Variants in ROBO1 observed in about 807,000 individuals in gnomAD.
ROBO1 encodes roundabout guidance receptor 1, also known as roundabout homolog 1.
Under a neutral mutation model 195.9 loss-of-function variants are expected in ROBO1, and 149 were observed. The ratio of observed to expected loss-of-function variants is 0.76; its 90% CI spans 0.67 to 0.87. ROBO1 has a LOEUF of 0.87. Ranked by LOEUF, ROBO1 falls within the 40% of genes least tolerant of loss-of-function variation. The probability of loss-of-function intolerance (pLI) is 0.00; values close to 1 mark genes in which losing one functional copy is unlikely to be tolerated. For synonymous variants in ROBO1, 816 were observed against 733.2 expected (o/e 1.11, Z -1.82); for missense variants, 1,933 against 2,068.3 (o/e 0.93, Z 1.27).
chr3:78,755,646 G>A (rs141281139), intron 4 of ROBO1, among the ~76,000 whole-genome samples: 1 of 152,256 alleles, frequency 6.6e-6, no homozygotes, highest in South Asian at 2.1e-4. Flanking sequence ...TTATTGAAGG[G>A]CTGAAGTTGA....
chr3:79,235,600 T>C (rs1480926078), intron 2 of ROBO1, among the ~76,000 whole-genome samples: 3 of 152,188 alleles, frequency 2.0e-5, no homozygotes, highest in African/African-American at 7.2e-5. Context: ...GGGTCCTCCA[T>C]ATTTATAGCT....
rs1354272309 is a variant in ROBO1 at position 79,206,968 on chromosome 3, C to T, written c.89-81429G>A. ...TAAATTTCTCAAAATGACACACCTA[C>T]ATGAGCTCAATTTGCAAAAACATAT... On this transcript the variant is annotated intron_variant, in intron 2 of 30. Coordinates refer to ENST00000464233, the MANE Select transcript of ROBO1 (RefSeq NM_002941.4). Among the ~76,000 whole-genome samples the T allele has an allele frequency of 2.0e-5, 3 of 152,106 alleles. No homozygotes were observed. The East Asian group carries it at 5.8e-4, about 29-fold the overall frequency.
At chr3:78,681,468 A>C (rs2080906111) in intron 10 of ROBO1, among the ~76,000 whole-genome samples, 1 of 152,328 alleles carries the variant, frequency 6.6e-6, no homozygotes, top group African/African-American at 2.4e-5. Context: ...ATAGGAAAAT[A>C]AACAGAACAC....
intron 2 of ROBO1, among the ~76,000 whole-genome samples, chr3:79,361,337 A>C (rs2035762060): frequency 6.6e-6 from 1 of 152,094 alleles, no homozygotes; most frequent in Admixed American, 6.6e-5. Flanking sequence ...AAAGTAAGGC[A>C]AATACAATAC....
chr3:78,947,997 C>G (rs563104275), intron 3 of ROBO1, among the ~76,000 whole-genome samples: 2 of 152,056 alleles, frequency 1.3e-5, no homozygotes, highest in African/African-American at 4.8e-5. Context: ...TCTGAATAGA[C>G]CAATAACAGG....
intron 4 of ROBO1, among the ~76,000 whole-genome samples, chr3:78,859,939 C>T (rs981882741): frequency 1.3e-5 from 2 of 151,986 alleles, no homozygotes; most frequent in African/African-American, 2.4e-5. Context: ...ATTAGCCGGG[C>T]GTGGTGGCGG....
intron 1 of ROBO1, among the ~76,000 whole-genome samples, chr3:79,710,774 A>G (rs1414559785): frequency 1.3e-5 from 2 of 152,176 alleles, no homozygotes; most frequent in Non-Finnish European, 1.5e-5. Flanking sequence ...GTTCTAAGTC[A>G]TATATCAGAC....
At chr3:79,145,099 G>GT (rs984195065) in intron 2 of ROBO1, among the ~76,000 whole-genome samples, 1 of 151,762 alleles carries the variant, frequency 6.6e-6, no homozygotes, top group African/African-American at 2.4e-5. Flanking sequence ...GGTCAAGTTG[G>GT]TTTGGTTTGT....
chr3:79,648,646 G>A (rs1945906419), intron 1 of ROBO1, among the ~76,000 whole-genome samples: 1 of 152,004 alleles, frequency 6.6e-6, no homozygotes, highest in African/African-American at 2.4e-5. Context: ...ATAAATGGAT[G>A]GGGTAATATT....
chr3:79,449,558 G>A (rs1201050906), intron 2 of ROBO1, among the ~76,000 whole-genome samples: 1 of 152,090 alleles, frequency 6.6e-6, no homozygotes, highest in Non-Finnish European at 1.5e-5. Context: ...AGATAAATGA[G>A]TACATTAATG....
chr3:79,618,956 C>G (rs35031538), intron 1 of ROBO1, among the ~76,000 whole-genome samples: 1 of 152,168 alleles, frequency 6.6e-6, no homozygotes, highest in African/African-American at 2.4e-5. Flanking sequence ...GCGCCAGTCA[C>G]GAACTCAGGA....
At chr3:79,230,483 G>A (rs928628219) in intron 2 of ROBO1, among the ~76,000 whole-genome samples, 30 of 151,958 alleles carry the variant, frequency 2.0e-4, no homozygotes, top group African/African-American at 7.3e-4. Flanking sequence ...CAAGTGACTT[G>A]CTTTGGTCAA....
intron 4 of ROBO1, among the ~76,000 whole-genome samples, chr3:78,818,329 A>C (rs989808887): frequency 2.6e-5 from 4 of 152,118 alleles, no homozygotes; most frequent in Admixed American, 1.3e-4. Context: ...AGCTGGGCTG[A>C]CCCAGGTTCC....
intron 4 of ROBO1, among the ~76,000 whole-genome samples, chr3:78,935,748 T>G (rs527846916): frequency 6.6e-6 from 1 of 152,170 alleles, no homozygotes; most frequent in East Asian, 1.9e-4. Context: ...CATCAAGACA[T>G]GATTATTGGT....
At chr3:79,127,205 A>T (rs2080232670) in intron 2 of ROBO1, among the ~76,000 whole-genome samples, 1 of 152,170 alleles carries the variant, frequency 6.6e-6, no homozygotes, top group African/African-American at 2.4e-5. Context: ...TGTTTAGGTC[A>T]AACTTTTAAG....
At position 78,659,681 on chromosome 3, in the gene ROBO1, C is replaced by T. The variant is rs1707261214; in HGVS notation, c.2442+5G>A. 4 of 1,526,658 alleles carry T rather than the reference C, an allele frequency of 2.6e-6. No individual in the cohort carries two copies. The highest frequency in any genetic ancestry group is 3.5e-6 in the Non-Finnish European group (4 of 1,130,528). 94.6% of individuals were successfully genotyped at this position (1,526,658 alleles called of 1,614,324 possible). ...CATTAATATATATATATATTATACT[C>T]ATACCTTATACTCTTGGACCATTCC... On this transcript the variant is annotated splice_donor_5th_base_variant and intron_variant, in intron 17 of 30. Transcript: ENST00000464233.
chr3:78,868,836 T>C (rs935087956), intron 4 of ROBO1, among the ~76,000 whole-genome samples: 2 of 152,176 alleles, frequency 1.3e-5, no homozygotes, highest in African/African-American at 4.8e-5. Flanking sequence ...ACAATGGGTA[T>C]GTAGATGTCA....
chr3:78,973,756 T>G (rs2076826604), intron 3 of ROBO1, among the ~76,000 whole-genome samples: 1 of 151,736 alleles, frequency 6.6e-6, no homozygotes, highest in Non-Finnish European at 1.5e-5. Flanking sequence ...AAAATTTAAT[T>G]TATTCAGATG....
chr3:79,366,473 T>G, intron 2 of ROBO1, among the ~76,000 whole-genome samples: 1 of 152,162 alleles, frequency 6.6e-6, no homozygotes, highest in East Asian at 1.9e-4. Context: ...ACCACTCTAC[T>G]GCAAGTCCTC....
Sources: gnomAD v4.1 joint callset for allele counts (sites outside exome capture counted in the v4.1 genomes callset) on GRCh38, gnomAD v4.1.1 for gene constraint, MANE v1.5 for transcripts, NCBI Gene and HGNC (gene_info 2026-07-23, HGNC 2026-07-21) for gene names.